MTA3: variants seen among roughly 807,000 people sequenced by gnomAD.
The protein encoded by MTA3 is metastasis-associated protein MTA3.
A neutral mutation model predicts 83.5 loss-of-function variants in MTA3; 34 were observed. The observed-to-expected ratio is 0.41, with a 90% CI of 0.31 to 0.54. The LOEUF is 0.54. MTA3 is among the 20% of genes least tolerant of loss of function. The pLI, the probability that MTA3 is intolerant of heterozygous loss-of-function variation, is 0.33. For synonymous variants in MTA3, 303 were observed against 252.7 expected (o/e 1.20, Z -1.89); for missense variants, 761 against 726.4 (o/e 1.05, Z -0.55).
At chr2:42,686,099 T>G (rs1243620749) in intron 9 of MTA3, among the ~76,000 whole-genome samples, 1 of 151,940 alleles carries the variant, frequency 6.6e-6, no homozygotes, top group Non-Finnish European at 1.5e-5. Flanking sequence ...TAATGGTGAG[T>G]TTTTTAAAGT....
At chr2:42,520,286 A>G (rs17029773) in intron 2 of MTA3, among the ~76,000 whole-genome samples, 2,747 of 152,106 alleles carry the variant, frequency 0.018, 67 homozygotes, top group African/African-American at 0.062. Context: ...TTCTTTTCCA[A>G]TTGTCCAGAG....
intron 4 of MTA3, among the ~76,000 whole-genome samples, chr2:42,626,162 C>G (rs566391074): frequency 6.6e-6 from 1 of 151,430 alleles, no homozygotes; most frequent in Non-Finnish European, 1.5e-5. Context: ...CCAGGATGGT[C>G]TCGATCTCCT....
chr2:42,612,686 C>G (rs1457266761), intron 4 of MTA3, among the ~76,000 whole-genome samples: 2 of 152,078 alleles, frequency 1.3e-5, no homozygotes, highest in Non-Finnish European at 2.9e-5. Flanking sequence ...CATGGTGAAA[C>G]CTCCTCTCTA....
intron 8 of MTA3, among the ~76,000 whole-genome samples, chr2:42,665,897 G>A (rs1449694142): frequency 6.6e-6 from 1 of 152,176 alleles, no homozygotes; most frequent in African/African-American, 2.4e-5. Context: ...GTCTGGTTCT[G>A]AGAAAGGCCA....
At chr2:42,561,571 C>G (rs1677676830) in intron 2 of MTA3, among the ~76,000 whole-genome samples, 3 of 152,120 alleles carry the variant, frequency 2.0e-5, no homozygotes. Flanking sequence ...GATCTACCCA[C>G]CTCTGCCTCC....
At chr2:42,706,876 A>AT (rs1295714992) in intron 12 of MTA3, among the ~76,000 whole-genome samples, 2 of 152,318 alleles carry the variant, frequency 1.3e-5, no homozygotes, top group East Asian at 3.9e-4. Flanking sequence ...GTAAATGGAG[A>AT]TTTTAAAATA....
intron 8 of MTA3, among the ~76,000 whole-genome samples, chr2:42,678,144 G>GC (rs1691550817): frequency 1.4e-5 from 2 of 143,728 alleles, no homozygotes; most frequent in East Asian, 4.1e-4. Context: ...CTTGTGTTTT[G>GC]TTTTTTTTTT....
intron 4 of MTA3, among the ~76,000 whole-genome samples, chr2:42,627,109 C>G (rs1384044287): frequency 1.3e-5 from 2 of 151,940 alleles, no homozygotes; most frequent in Admixed American, 6.6e-5. Context: ...CAGGATTTCT[C>G]TCTGTTTTCT....
rs1686447461 is a variant in MTA3 at position 42,629,340 on chromosome 2, A to G, written c.318-10833A>G. Among the ~76,000 whole-genome samples, 5 of 152,096 alleles carry G rather than the reference A, an allele frequency of 3.3e-5. No homozygotes were observed. In the South Asian group the frequency reaches 8.3e-4, roughly 25 times the overall value. On this transcript the variant is annotated intron_variant, in intron 4 of 16. Transcript: ENST00000405094. ...GTGATTCACCTGCCTCGGCCTCCCA[A>G]AGTGCTGGGATTACAGGCGTGATCC...
chr2:42,626,405 C>A (rs368011122), intron 4 of MTA3, among the ~76,000 whole-genome samples: 2 of 151,740 alleles, frequency 1.3e-5, no homozygotes, highest in Non-Finnish European at 2.9e-5. Context: ...TCAAGCGATT[C>A]TCCTGCCTCC....
chr2:42,605,756 CA>C (rs1683241357), intron 3 of MTA3, among the ~76,000 whole-genome samples: 3 of 124,952 alleles, frequency 2.4e-5, no homozygotes, highest in Non-Finnish European at 3.4e-5. Flanking sequence ...GCTGGCCGGG[CA>C]GAGGGGCTCC....
intron 2 of MTA3, among the ~76,000 whole-genome samples, chr2:42,503,808 G>A (rs1674503587): frequency 6.6e-6 from 1 of 151,886 alleles, no homozygotes; most frequent in Non-Finnish European, 1.5e-5. Flanking sequence ...CCAGGAGTTC[G>A]AGACCAGCCT....
chr2:42,748,181 A>G (rs1669583456), intron 16 of MTA3, among the ~76,000 whole-genome samples: 1 of 148,336 alleles, frequency 6.7e-6, no homozygotes, highest in African/African-American at 2.5e-5. Flanking sequence ...GGCATGTGCC[A>G]TCACATCCAG....
intron 16 of MTA3, among the ~76,000 whole-genome samples, chr2:42,732,853 C>A (rs1668329129): frequency 6.6e-6 from 1 of 152,230 alleles, no homozygotes; most frequent in African/African-American, 2.4e-5. Context: ...TGCCACTAGT[C>A]TCTTTGCTGA....
chr2:42,660,598 C>G (rs895333430), intron 8 of MTA3, among the ~76,000 whole-genome samples: 1 of 152,128 alleles, frequency 6.6e-6, no homozygotes, highest in Non-Finnish European at 1.5e-5. Flanking sequence ...ATTGAAGTTA[C>G]TTACTGTATT....
At chr2:42,501,118 A>C (rs1310035496) in intron 2 of MTA3, among the ~76,000 whole-genome samples, 3 of 152,150 alleles carry the variant, frequency 2.0e-5, no homozygotes, top group Admixed American at 6.6e-5. Flanking sequence ...CCTGTATAGC[A>C]TCTTAATAAA....
chr2:42,620,213 C>T (rs1052637033), intron 4 of MTA3, among the ~76,000 whole-genome samples: 3 of 151,252 alleles, frequency 2.0e-5, no homozygotes, highest in African/African-American at 7.3e-5. Flanking sequence ...CTGCCACCCA[C>T]GTTCAAGTGA....
At chr2:42,672,131 G>A (rs1182822425) in intron 8 of MTA3, among the ~76,000 whole-genome samples, 2 of 152,122 alleles carry the variant, frequency 1.3e-5, no homozygotes, top group Non-Finnish European at 2.9e-5. Context: ...TACGCTCATA[G>A]TAAGTTTGGA....
intron 3 of MTA3, among the ~76,000 whole-genome samples, chr2:42,589,950 A>G (rs975427292): frequency 2.0e-5 from 3 of 152,070 alleles, no homozygotes; most frequent in Non-Finnish European, 4.4e-5. Context: ...TTGAGAGGAG[A>G]TGCCTGTATA....
Sources: gnomAD v4.1 joint callset for allele counts (sites outside exome capture counted in the v4.1 genomes callset) on GRCh38, gnomAD v4.1.1 for gene constraint, MANE v1.5 for transcripts, NCBI Gene and HGNC (gene_info 2026-07-23, HGNC 2026-07-21) for gene names.